ARID5B: variants seen among roughly 807,000 people sequenced by gnomAD.
The protein encoded by ARID5B is AT-rich interaction domain 5B.
In ARID5B, 13 loss-of-function variants were observed where a neutral mutation model predicts 97.2. The observed-to-expected ratio is 0.13, with a 90% confidence interval of 0.09 to 0.21. The LOEUF (loss-of-function observed/expected upper bound fraction) is 0.21, where lower values mean the gene tolerates loss of function less well. Among genes scored for constraint, ARID5B ranks in the 10% least tolerant of loss-of-function variants. ARID5B has a pLI of 1.00. For missense variants in ARID5B, 1,210 were observed against 1,465.3 expected (o/e 0.83, Z 2.84); for synonymous variants, 556 against 570.3 (o/e 0.97, Z 0.36).
At chr10:61,925,182 G>A (rs1266694534) in intron 2 of ARID5B, among the ~76,000 whole-genome samples, 1 of 152,078 alleles carries the variant, frequency 6.6e-6, no homozygotes, top group Non-Finnish European at 1.5e-5. Context: ...TCTAGCCTGG[G>A]CGACAGAGAC....
At chr10:62,032,420 T>C (rs1589266334) in intron 4 of ARID5B, among the ~76,000 whole-genome samples, 1 of 152,326 alleles carries the variant, frequency 6.6e-6, no homozygotes, top group Admixed American at 6.5e-5. Context: ...AGACATCTGA[T>C]GGCAGTTTAA....
intron 4 of ARID5B, among the ~76,000 whole-genome samples, chr10:62,047,891 T>C (rs1311611250): frequency 6.6e-6 from 1 of 152,188 alleles, no homozygotes; most frequent in Non-Finnish European, 1.5e-5. Flanking sequence ...AGGTCTCTGA[T>C]TCGATTGCAG....
At chr10:62,005,364 CTG>C (rs1839133309) in intron 4 of ARID5B, among the ~76,000 whole-genome samples, 1 of 152,182 alleles carries the variant, frequency 6.6e-6, no homozygotes, top group South Asian at 2.1e-4. Context: ...CAGAATAAGA[CTG>C]TGTTCACTTG....
At chr10:61,979,569 G>GT (rs1236431492) in intron 3 of ARID5B, among the ~76,000 whole-genome samples, 6 of 152,054 alleles carry the variant, frequency 3.9e-5, no homozygotes, top group African/African-American at 1.4e-4. Context: ...CGTCTCCCAC[G>GT]TGGAGGCCCC....
chr10:62,005,834 C>T (rs1188565058), intron 4 of ARID5B, among the ~76,000 whole-genome samples: 1 of 152,192 alleles, frequency 6.6e-6, no homozygotes, highest in African/African-American at 2.4e-5. Context: ...TGTTAAGGAT[C>T]ATGGGAATTT....
intron 3 of ARID5B, among the ~76,000 whole-genome samples, chr10:61,963,923 A>G (rs778250048): frequency 1.3e-5 from 2 of 152,132 alleles, no homozygotes; most frequent in Non-Finnish European, 2.9e-5. Context: ...ACACAGAGAC[A>G]GATGTGCCTG....
intron 8 of ARID5B, among the ~76,000 whole-genome samples, chr10:62,075,536 C>T (rs1006580576): frequency 6.6e-6 from 1 of 152,214 alleles, no homozygotes; most frequent in Non-Finnish European, 1.5e-5. Flanking sequence ...TCTGTGGCTT[C>T]CCATTGACCT....
At chr10:61,962,162 TA>T in intron 3 of ARID5B, among the ~76,000 whole-genome samples, 1 of 152,246 alleles carries the variant, frequency 6.6e-6, no homozygotes, top group East Asian at 1.9e-4. Context: ...GAGTCCTGGG[TA>T]AAATGAGCTT....
At chr10:61,901,766 C>A (rs988252518) in intron 1 of ARID5B, 36 bp downstream of exon 1, 1 of 1,593,924 alleles carries the variant, frequency 6.3e-7, no homozygotes, top group Non-Finnish European at 8.6e-7. Flanking sequence ...GATCCCGGCA[C>A]CCCCCGGCAC....
intron 3 of ARID5B, among the ~76,000 whole-genome samples, chr10:61,976,562 C>T (rs561867280): frequency 1.3e-5 from 2 of 152,220 alleles, no homozygotes; most frequent in South Asian, 2.1e-4. Flanking sequence ...GTTGAAACAT[C>T]GAAGTGGTAC....
chr10:61,985,892 T>C (rs375709143), intron 3 of ARID5B, among the ~76,000 whole-genome samples: 1 of 152,132 alleles, frequency 6.6e-6, no homozygotes, highest in African/African-American at 2.4e-5. Context: ...TTCTGTGCAA[T>C]GGTCATCTGT....
intron 4 of ARID5B, chr10:62,046,590 A>G (rs1176999256): frequency 6.6e-6 from 1 of 152,340 alleles, no homozygotes; most frequent in East Asian, 1.9e-4. Flanking sequence ...CTGAGGATTA[A>G]CACCTATAGA....
intron 8 of ARID5B, 118 bp from the exon 9 acceptor site, chr10:62,085,584 A>G (rs1346617986): frequency 6.0e-6 from 5 of 831,186 alleles, no homozygotes. Context: ...TAGCACTGTC[A>G]CTGGAGATGA....
chr10:61,995,873 C>T (rs1838988933), intron 3 of ARID5B, among the ~76,000 whole-genome samples: 1 of 152,182 alleles, frequency 6.6e-6, no homozygotes, highest in South Asian at 2.1e-4. Flanking sequence ...AAGGCAACTC[C>T]TCTGGGGATG....
At chr10:61,910,117 A>G (rs987519052) in intron 2 of ARID5B, among the ~76,000 whole-genome samples, 11 of 152,204 alleles carry the variant, frequency 7.2e-5, no homozygotes, top group African/African-American at 2.7e-4. Flanking sequence ...AATTGTAAGC[A>G]ATTAAAACCT....
intron 8 of ARID5B, among the ~76,000 whole-genome samples, chr10:62,077,124 C>T (rs1261540402): frequency 6.6e-6 from 1 of 152,204 alleles, no homozygotes; most frequent in Non-Finnish European, 1.5e-5. Context: ...TCAATGCAAA[C>T]ACCCTACACC....
At chr10:62,005,173 CTGGGGACCAG>C in intron 4 of ARID5B, among the ~76,000 whole-genome samples, 1 of 152,166 alleles carries the variant, frequency 6.6e-6, no homozygotes, top group South Asian at 2.1e-4. Context: ...ACACATTCTG[CTGGGGACCAG>C]AAAGGAGGGA....
intron 3 of ARID5B, among the ~76,000 whole-genome samples, chr10:61,950,171 C>T (rs776549915): frequency 6.6e-6 from 1 of 152,138 alleles, no homozygotes; most frequent in Non-Finnish European, 1.5e-5. Flanking sequence ...CCACGCCCAG[C>T]TAATTTTTGT....
intron 7 of ARID5B, among the ~76,000 whole-genome samples, chr10:62,067,238 C>T (rs539798979): frequency 2.6e-5 from 4 of 152,168 alleles, no homozygotes; most frequent in South Asian, 2.1e-4. Flanking sequence ...GCATGCGCCA[C>T]CACCCCGGCT....
Sources: allele counts gnomAD v4.1 joint callset (sites outside exome capture counted in the v4.1 genomes callset), GRCh38; gene constraint gnomAD v4.1.1; transcripts MANE v1.5; gene names NCBI Gene and HGNC (gene_info 2026-07-23, HGNC 2026-07-21).